Variants in DYNC2H1 observed in about 807,000 individuals in gnomAD.
DYNC2H1 encodes cytoplasmic dynein 2 heavy chain 1.
A neutral mutation model predicts 570.0 loss-of-function variants in DYNC2H1; 410 were observed. The ratio of observed to expected loss-of-function variants is 0.72; its 90% CI spans 0.66 to 0.78. The LOEUF (loss-of-function observed/expected upper bound fraction) is 0.78, where lower values mean the gene tolerates loss of function less well. Ranked by LOEUF, DYNC2H1 falls within the 30% of genes least tolerant of loss-of-function variation. The pLI is 0.00. For synonymous variants in DYNC2H1, 1,688 were observed against 1,677.6 expected, an observed-to-expected ratio of 1.01 and a Z score of -0.15; for missense variants, 4,865 against 5,046.4, an observed-to-expected ratio of 0.96 and a Z score of 1.09.
chr11:103,432,548 G>A (rs769441592), intron 84 of DYNC2H1, among the ~76,000 whole-genome samples: 2 of 152,034 alleles, frequency 1.3e-5, no homozygotes, highest in African/African-American at 2.4e-5. Flanking sequence ...TGTCTCCACT[G>A]ATTTACGACC....
At chr11:103,454,211 T>G (rs1050120110) in intron 85 of DYNC2H1, among the ~76,000 whole-genome samples, 23 of 152,228 alleles carry the variant, frequency 1.5e-4, no homozygotes, top group African/African-American at 5.5e-4. Flanking sequence ...AGTAATAAAT[T>G]AAATGAACAC....
At chr11:103,389,139 T>C (rs1454435207) in intron 83 of DYNC2H1, among the ~76,000 whole-genome samples, 2 of 152,300 alleles carry the variant, frequency 1.3e-5, no homozygotes, top group Non-Finnish European at 1.5e-5. Flanking sequence ...TCCTGGACTT[T>C]TTTTGGTTGG....
In DYNC2H1 at chr11:103,472,381, A is replaced by AG. The variant is rs1945416642; in HGVS notation, c.12765+3676_12765+3677insG. On this transcript the variant is annotated intron_variant, in intron 88 of 88. Transcript: ENST00000375735. The surrounding 1 kb of genome is among the most constrained non-coding windows in gnomAD (Gnocchi z 4.1). ...CTTTATTAAATAAAAAAAGAATTAA[A>AG]AAAATTTTTTTTAAAGAATTGAGAA... Among the ~76,000 whole-genome samples, 2 of 151,316 alleles carry AG rather than the reference A, an allele frequency of 1.3e-5. No individual in the cohort carries two copies. Among genetic ancestry groups the AG allele is most frequent in the African/African-American group, 4.9e-5 (2 of 41,112 alleles).
chr11:103,224,071 T>C (rs898286205), intron 59 of DYNC2H1, among the ~76,000 whole-genome samples: 3 of 152,116 alleles, frequency 2.0e-5, no homozygotes, highest in African/African-American at 2.4e-5. Flanking sequence ...TTGTATTTGT[T>C]TTTACCTTCT....
intron 83 of DYNC2H1, among the ~76,000 whole-genome samples, chr11:103,374,551 C>T (rs1941313829): frequency 6.6e-6 from 1 of 152,088 alleles, no homozygotes; most frequent in Admixed American, 6.6e-5. Context: ...AAAGTTTGGA[C>T]CTTCTTACAG....
Position 103,234,145 on chromosome 11 carries a change from G to T in DYNC2H1, c.9552G>T (p.Lys3184Asn). 1 of 1,584,956 alleles carries T rather than the reference G, an allele frequency of 6.3e-7. No homozygotes were observed. The highest frequency in any genetic ancestry group is 8.6e-7 in the Non-Finnish European group (1 of 1,164,250). Residue 3184 changes from lysine to asparagine, a missense_variant, in exon 61 of 89, where the codon AAG becomes AAT. Lys to Asn is a moderately conservative substitution (Grantham distance 94). Coordinates refer to ENST00000375735, the MANE Select transcript of DYNC2H1 (RefSeq NM_001377.3). ...VLINQLDREH[K>N]RWNAQVVEIT... Reference sequence around the variant, plus strand: ...TTAATCAGCTTGACAGAGAACATAAGAGATGGAATGCACAGGTTTGTTTGA... The same window carrying T: ...TTAATCAGCTTGACAGAGAACATAATAGATGGAATGCACAGGTTTGTTTGA...
At chr11:103,435,053 G>A (rs1410234820) in intron 84 of DYNC2H1, among the ~76,000 whole-genome samples, 3 of 152,090 alleles carry the variant, frequency 2.0e-5, no homozygotes, top group Non-Finnish European at 4.4e-5. Context: ...TTAGATCAAA[G>A]CACAGTTCTG....
chr11:103,455,059 ATATATTTTC>A, intron 85 of DYNC2H1, 118 bp from the exon 86 acceptor site: 1 of 606,628 alleles, frequency 1.6e-6, no homozygotes, highest in Non-Finnish European at 2.8e-6. Flanking sequence ...AATGTTATAT[ATATATTTTC>A]TAGCTACCAT....
chr11:103,479,049 C>G, intron 88 of DYNC2H1, 46 bp from the exon 89 acceptor site: 1 of 1,588,860 alleles, frequency 6.3e-7, no homozygotes, highest in Non-Finnish European at 8.6e-7. Flanking sequence ...AATCTGTTTC[C>G]AAATAGTGTA....
rs554061114 is a variant in DYNC2H1 at position 103,136,122 on chromosome 11, G to T, written c.2574+174G>T. ...CAACCTAGATTTATACTTCAGAAGA[G>T]AAAAAAGTTATGGGAAAGATTTTTT... On this transcript the variant is annotated intron_variant, in intron 17 of 88. Transcript: ENST00000375735. Among the ~76,000 whole-genome samples, 196 of 151,622 alleles carry T rather than the reference G, an allele frequency of 1.3e-3. 1 individual carries two copies. Among genetic ancestry groups the T allele is most frequent in the Non-Finnish European group, 2.3e-3 (156 of 67,830 alleles).
rs2135176983 is a variant in DYNC2H1, at chr11:103,228,911, C to T, written c.9354-2349C>T. On this transcript the variant is annotated intron_variant, in intron 59 of 88. Transcript: ENST00000375735. This position sits in a 1 kb window ranked among gnomAD's most constrained non-coding sequence, Gnocchi z 6.1. Reference sequence around the variant, plus strand: ...TCTCCTTTGGTGGGGCTTGTTGTGGCTGCTGTGGGGGAGGGGGGTGTGGTT... The same window carrying T: ...TCTCCTTTGGTGGGGCTTGTTGTGGTTGCTGTGGGGGAGGGGGGTGTGGTT... Among the ~76,000 whole-genome samples the T allele has an allele frequency of 6.6e-6, 1 of 152,114 alleles. No individual in the cohort carries two copies. Among genetic ancestry groups the T allele is most frequent in the Admixed American group, 6.5e-5 (1 of 15,282 alleles).
intron 68 of DYNC2H1, 106 bp from the exon 69 acceptor site, chr11:103,257,502 T>G: frequency 8.6e-7 from 1 of 1,161,110 alleles, no homozygotes; most frequent in East Asian, 2.8e-5. Flanking sequence ...AAAGTAAGGT[T>G]TTTTTATTAC....
intron 20 of DYNC2H1, 23 bp from the exon 21 acceptor site, chr11:103,152,113 G>GTC (rs1555049372): frequency 2.2e-6 from 3 of 1,369,218 alleles, no homozygotes; most frequent in East Asian, 5.0e-5. Flanking sequence ...TATTCAATTT[G>GTC]TTTTTTTTTT....
chr11:103,215,922 T>C, intron 55 of DYNC2H1, 64 bp downstream of exon 55: 1 of 1,539,118 alleles, frequency 6.5e-7, no homozygotes. Flanking sequence ...TGATAGTCAG[T>C]GAAAAATAAC....
intron 82 of DYNC2H1, among the ~76,000 whole-genome samples, chr11:103,341,291 C>T (rs1331098270): frequency 3.3e-5 from 5 of 152,168 alleles, no homozygotes; most frequent in Non-Finnish European, 7.4e-5. Context: ...ATTGTAAAAG[C>T]AAAACTCAGA....
Position 103,179,627 on chromosome 11 carries a change from A to C in DYNC2H1, c.6347+394A>C, listed in dbSNP as rs576440546. Among the ~76,000 whole-genome samples, 8 of 147,100 alleles carry C rather than the reference A, an allele frequency of 5.4e-5. No individual in the cohort carries two copies. The East Asian group carries it at 1.5e-3, about 28-fold the overall frequency. On this transcript the variant is annotated intron_variant, in intron 39 of 88. Transcript: ENST00000375735. ...TTTAATTTTAGAATTTAATTAATTA[A>C]ATCTATTTAATTTTAGATTCACAGA...
chr11:103,243,813 C>T lies in DYNC2H1; in HGVS notation c.9918+22C>T, dbSNP rs2135226167. On this transcript the variant is annotated intron_variant, in intron 64 of 88. Coordinates refer to ENST00000375735, the MANE Select transcript of DYNC2H1 (RefSeq NM_001377.3). This position sits in a 1 kb window ranked among gnomAD's most constrained non-coding sequence, Gnocchi z 4.8. Reference sequence around the variant, plus strand: ...GCAGGTATGTATTATTTATAATTTACATACCAATTAGGAATGACCTCTTAT... The same window carrying T: ...GCAGGTATGTATTATTTATAATTTATATACCAATTAGGAATGACCTCTTAT... 1.3e-6 allele frequency: 2 copies of T among 1,520,106 alleles called. No individual in the cohort carries two copies. Among genetic ancestry groups the T allele is most frequent in the Admixed American group, 1.9e-5 (1 of 51,488 alleles). The allele number at this position is 1,520,106 out of a possible 1,614,324, so 94.2% of individuals were successfully genotyped here.
At chr11:103,399,006 G>A (rs897323255) in intron 83 of DYNC2H1, among the ~76,000 whole-genome samples, 13 of 151,926 alleles carry the variant, frequency 8.6e-5, no homozygotes, top group Non-Finnish European at 1.8e-4. Context: ...TGTAGTGGTC[G>A]AGTAGTATTG....
intron 82 of DYNC2H1, among the ~76,000 whole-genome samples, chr11:103,329,643 C>A (rs982924799): frequency 3.3e-5 from 5 of 152,020 alleles, no homozygotes; most frequent in African/African-American, 1.2e-4. Flanking sequence ...TCTGTACTCT[C>A]TTACAGGATT....
Sources: allele counts gnomAD v4.1 joint callset (sites outside exome capture counted in the v4.1 genomes callset), GRCh38; gene constraint gnomAD v4.1.1; non-coding constraint Gnocchi (gnomAD v3.1); transcripts MANE v1.5; gene names NCBI Gene and HGNC (gene_info 2026-07-23, HGNC 2026-07-21).